Variants in CNTNAP2 observed in about 807,000 individuals in gnomAD.
The protein encoded by CNTNAP2 is contactin-associated protein-like 2.
CNTNAP2 carries 98 observed loss-of-function variants against 155.2 expected under a neutral mutation model. The ratio of observed to expected loss-of-function variants is 0.63; its 90% confidence interval spans 0.54 to 0.75. The LOEUF (loss-of-function observed/expected upper bound fraction) is 0.75, where lower values mean the gene tolerates loss of function less well. Among genes scored for constraint, CNTNAP2 ranks in the 30% least tolerant of loss-of-function variants. The pLI, the probability that CNTNAP2 is intolerant of heterozygous loss-of-function variation, is 0.00. For synonymous variants in CNTNAP2, 651 were observed against 631.2 expected (o/e 1.03, Z -0.47); for missense variants, 1,727 against 1,688.1 (o/e 1.02, Z -0.40).
intron 1 of CNTNAP2, among the ~76,000 whole-genome samples, chr7:146,622,150 CGT>C (rs1491168956): frequency 7.4e-6 from 1 of 134,596 alleles, no homozygotes; most frequent in Non-Finnish European, 1.6e-5. Context: ...TATACACACA[CGT>C]ATATATATAT....
At chr7:147,576,724 C>T (rs1800402493) in intron 12 of CNTNAP2, among the ~76,000 whole-genome samples, 1 of 152,084 alleles carries the variant, frequency 6.6e-6, no homozygotes, top group Non-Finnish European at 1.5e-5. Flanking sequence ...AGTGAAAAGT[C>T]AACTTCCATA....
intron 17 of CNTNAP2, among the ~76,000 whole-genome samples, chr7:148,159,299 G>T (rs74391954): frequency 1.3e-5 from 2 of 152,014 alleles, no homozygotes; most frequent in Non-Finnish European, 2.9e-5. Flanking sequence ...CCACTGAAAC[G>T]TATTTTATGG....
chr7:147,383,975 A>G (rs1796584858), intron 9 of CNTNAP2, among the ~76,000 whole-genome samples: 2 of 152,176 alleles, frequency 1.3e-5, no homozygotes, highest in South Asian at 4.1e-4. Context: ...GAAGATCTAA[A>G]ATGAAAAAAA....
chr7:147,851,915 A>G (rs1309180090), intron 13 of CNTNAP2, among the ~76,000 whole-genome samples: 2 of 151,932 alleles, frequency 1.3e-5, no homozygotes, highest in East Asian at 1.9e-4. Flanking sequence ...ATAATAAATA[A>G]TAAGAATAAT....
chr7:146,846,092 T>C (rs998188442), intron 3 of CNTNAP2, among the ~76,000 whole-genome samples: 3 of 152,204 alleles, frequency 2.0e-5, no homozygotes, highest in Non-Finnish European at 4.4e-5. Flanking sequence ...TTTGTCTGCA[T>C]GCGAAAGTCA....
At chr7:147,487,374 A>G (rs557659341) in intron 11 of CNTNAP2, among the ~76,000 whole-genome samples, 6 of 152,334 alleles carry the variant, frequency 3.9e-5, no homozygotes, top group African/African-American at 1.2e-4. Flanking sequence ...TCAAAGAGTT[A>G]TAACTAAAAT....
In CNTNAP2 at chr7:147,425,332, T is replaced by A. The variant is rs553677735; in HGVS notation, c.1670+29552T>A. 7.2e-5 allele frequency among the ~76,000 whole-genome samples: 11 copies of A among 152,018 alleles called. No homozygotes were observed. The South Asian group carries it at 2.3e-3, about 32-fold the overall frequency. On this transcript the variant is annotated intron_variant, in intron 10 of 23. Transcript: ENST00000361727. The stretch of plus-strand genomic sequence containing the variant: ...AGGTAGGTATGAAAAATAGAGAGGA[T>A]TTAAGTTGTATTTGCAATATTACCA...
At chr7:147,507,492 A>G (rs376360967) in intron 11 of CNTNAP2, among the ~76,000 whole-genome samples, 3 of 147,216 alleles carry the variant, frequency 2.0e-5, no homozygotes, top group South Asian at 4.5e-4. Context: ...TGGCAAATTG[A>G]TGTTAACTTA....
intron 3 of CNTNAP2, among the ~76,000 whole-genome samples, chr7:146,958,362 T>A (rs1420864580): frequency 6.6e-6 from 1 of 151,256 alleles, no homozygotes; most frequent in Admixed American, 6.6e-5. Flanking sequence ...AAATTTTTTT[T>A]AAAACTACGC....
intron 2 of CNTNAP2, among the ~76,000 whole-genome samples, chr7:146,815,113 G>T (rs1468607558): frequency 6.6e-6 from 1 of 152,064 alleles, no homozygotes. Context: ...GATGGCAAAT[G>T]CTTTTCACCA....
intron 3 of CNTNAP2, among the ~76,000 whole-genome samples, chr7:146,905,488 T>G (rs748472490): frequency 5.9e-5 from 9 of 152,128 alleles, no homozygotes; most frequent in Non-Finnish European, 8.8e-5. Context: ...AAGTTTGGAG[T>G]AAAATTCTTT....
intron 12 of CNTNAP2, among the ~76,000 whole-genome samples, chr7:147,576,769 G>T (rs927489098): frequency 6.6e-6 from 1 of 151,660 alleles, no homozygotes; most frequent in South Asian, 2.1e-4. Context: ...TAACAAAATA[G>T]CAGGTTTTGA....
At chr7:147,985,282 G>C (rs770989784) in intron 15 of CNTNAP2, among the ~76,000 whole-genome samples, 3 of 151,686 alleles carry the variant, frequency 2.0e-5, no homozygotes, top group Non-Finnish European at 4.4e-5. Flanking sequence ...CCCCCACTGG[G>C]GGTGGGGGGT....
At chr7:147,459,833 G>A (rs955876252) in intron 10 of CNTNAP2, among the ~76,000 whole-genome samples, 1 of 152,148 alleles carries the variant, frequency 6.6e-6, no homozygotes, top group Non-Finnish European at 1.5e-5. Context: ...CTAGCATTCT[G>A]TCCTGGAAAA....
At chr7:147,638,351 T>C (rs1431793119) in intron 12 of CNTNAP2, among the ~76,000 whole-genome samples, 2 of 152,200 alleles carry the variant, frequency 1.3e-5, no homozygotes, top group African/African-American at 4.8e-5. Context: ...AGTCCTTGTG[T>C]AGGAGCTTTT....
At chr7:146,330,612 G>A (rs1801169440) in intron 1 of CNTNAP2, among the ~76,000 whole-genome samples, 1 of 152,196 alleles carries the variant, frequency 6.6e-6, no homozygotes, top group African/African-American at 2.4e-5. Context: ...ATACTTCAAT[G>A]AAGGGAGAAA....
At chr7:146,278,764 G>T (rs1800203606) in intron 1 of CNTNAP2, among the ~76,000 whole-genome samples, 1 of 152,072 alleles carries the variant, frequency 6.6e-6, no homozygotes. Context: ...CCAAATTAAG[G>T]ATTGAAATGA....
intron 1 of CNTNAP2, among the ~76,000 whole-genome samples, chr7:146,396,012 A>C (rs1795621493): frequency 6.6e-6 from 1 of 152,126 alleles, no homozygotes; most frequent in Non-Finnish European, 1.5e-5. Flanking sequence ...ATAAGTTAAC[A>C]TTCCCGAATG....
chr7:146,343,123 A>G (rs971711864), intron 1 of CNTNAP2, among the ~76,000 whole-genome samples: 8 of 151,832 alleles, frequency 5.3e-5, no homozygotes, highest in African/African-American at 1.9e-4. Flanking sequence ...TGGGCTATAT[A>G]TCTTTCAATG....
Sources: gnomAD v4.1 joint callset for allele counts (sites outside exome capture counted in the v4.1 genomes callset) on GRCh38, gnomAD v4.1.1 for gene constraint, MANE v1.5 for transcripts, NCBI Gene and HGNC (gene_info 2026-07-23, HGNC 2026-07-21) for gene names.